Variants in ZNF558 observed in about 807,000 individuals in gnomAD.
ZNF558 encodes zinc finger protein 558.
Under a neutral mutation model 37.6 loss-of-function variants are expected in ZNF558, and 23 were observed. That is an observed-to-expected ratio of 0.61 (90% confidence interval 0.44 to 0.87). ZNF558 has a LOEUF of 0.87. ZNF558 is among the 40% of genes least tolerant of loss of function. ZNF558 has a pLI of 0.00. For synonymous variants in ZNF558, 189 were observed against 174.4 expected, an observed-to-expected ratio of 1.08 and a Z score of -0.66; for missense variants, 429 against 483.7, an observed-to-expected ratio of 0.89 and a Z score of 1.06.
chr19:8,806,944 T>C lies in ZNF558; in HGVS notation c.*4337A>G, dbSNP rs2043708670. 6.6e-6 allele frequency: 1 copy of C among 152,232 alleles called. No homozygotes were observed. Among genetic ancestry groups the C allele is most frequent in the Non-Finnish European group, 1.5e-5 (1 of 68,054 alleles). The allele number at this position is 152,232 out of a possible 1,614,324, so 9.4% of individuals were successfully genotyped here. ...CCTTCTTCTTTGGTTGTTTGGTAGA[T>C]TTGCAGTTTGTCTCTCATTTTCTAT... On this transcript the variant is annotated 3_prime_UTR_variant, in exon 10 of 10. Coordinates refer to ENST00000601372, the MANE Select transcript of ZNF558 (RefSeq NM_144693.3).
Position 8,811,210 on chromosome 19 carries a change from G to A in ZNF558, c.*71C>T, listed in dbSNP as rs2043778153. On this transcript the variant is annotated 3_prime_UTR_variant, in exon 10 of 10. Coordinates refer to ENST00000601372, the MANE Select transcript of ZNF558 (RefSeq NM_144693.3). Reference sequence around the variant, plus strand: ...GCAACAAATAACTTATATATCCAGTGTGAGCTCTCTCAAACTATCTTAGGG... The same window carrying A: ...GCAACAAATAACTTATATATCCAGTATGAGCTCTCTCAAACTATCTTAGGG... 6.9e-7 allele frequency: 1 copy of A among 1,444,416 alleles called. No homozygotes were observed. Among genetic ancestry groups the A allele is most frequent in the Admixed American group, 2.3e-5 (1 of 43,396 alleles). 89.5% of individuals were successfully genotyped at this position (1,444,416 alleles called of 1,614,324 possible).
At chr19:8,831,938 G>GA (rs1344437632) in intron 1 of ZNF558, 1 of 152,282 alleles carries the variant, frequency 6.6e-6, no homozygotes, top group African/African-American at 2.4e-5. Flanking sequence ...CACAATTTGT[G>GA]AAAACCACAG....
At chr19:8,830,174 A>G (rs2044317919) in intron 2 of ZNF558, among the ~76,000 whole-genome samples, 1 of 152,110 alleles carries the variant, frequency 6.6e-6, no homozygotes, top group East Asian at 1.9e-4. Flanking sequence ...CTGCCATGTA[A>G]GACGTGCCTT....
At chr19:8,826,596 T>C (rs1219261514) in intron 2 of ZNF558, among the ~76,000 whole-genome samples, 4 of 152,148 alleles carry the variant, frequency 2.6e-5, no homozygotes, top group Middle Eastern at 6.8e-3. Flanking sequence ...ATGCGAGCAA[T>C]GAGGAGTGGC....
chr19:8,809,770 GA>G lies in ZNF558; in HGVS notation c.*1510del, dbSNP rs550277925. 2.0e-5 allele frequency: 3 copies of G among 151,870 alleles called. No homozygotes were observed. The highest frequency in any genetic ancestry group is 6.6e-5 in the Admixed American group (1 of 15,252). 9.4% of individuals were successfully genotyped at this position (151,870 alleles called of 1,614,324 possible). ...CTATACACAAATGTTTATATTAAAA[GA>G]AAAAAAGACTAAAAAAATTAATGAG... On this transcript the variant is annotated 3_prime_UTR_variant, in exon 10 of 10. Transcript: ENST00000601372.
rs781877951 is a variant in ZNF558, at chr19:8,807,933, A to G, written c.*3348T>C. The G allele has an allele frequency of 2.6e-5, 4 of 152,196 alleles. No individual in the cohort carries two copies. Among genetic ancestry groups the G allele is most frequent in the Admixed American group, 6.5e-5 (1 of 15,278 alleles). The allele number at this position is 152,196 out of a possible 1,614,324, so 9.4% of individuals were successfully genotyped here. A position where few individuals can be genotyped will look rare whatever the true frequency, so the allele number is the denominator to read the frequency against. On this transcript the variant is annotated 3_prime_UTR_variant, in exon 10 of 10. Transcript: ENST00000601372. ...GGCTCTACCATTTACCAGTCAGTGA[A>G]TGCAGGCAAGTAACTTAAGTGTATC...
upstream of ZNF558, among the ~76,000 whole-genome samples, chr19:8,834,405 C>T (rs530514782): frequency 1.3e-5 from 2 of 151,700 alleles, no homozygotes; most frequent in African/African-American, 4.8e-5. Context: ...GTCAAGATAT[C>T]GAGACCATCC....
At chr19:8,821,604 C>A in intron 6 of ZNF558, 1 of 1,349,996 alleles carries the variant, frequency 7.4e-7, no homozygotes, top group Admixed American at 3.3e-5. Context: ...CTCACTCAGA[C>A]TGGGAGCTCC....
intron 8 of ZNF558, 130 bp downstream of exon 8, chr19:8,812,997 G>C (rs564061261): frequency 2.9e-6 from 2 of 695,398 alleles, no homozygotes; most frequent in Non-Finnish European, 5.0e-6. Context: ...AAATGTTCTC[G>C]TGCATGTTTG....
At chr19:8,815,833 A>G (rs1568465384) in intron 7 of ZNF558, among the ~76,000 whole-genome samples, 1 of 151,972 alleles carries the variant, frequency 6.6e-6, no homozygotes. Flanking sequence ...GTGAGTTTTA[A>G]AAAAGATGAA....
rs555159009 is a variant in ZNF558 at position 8,808,430 on chromosome 19, CTA to C, written c.*2849_*2850del. The C allele has an allele frequency of 3.9e-4, 59 of 152,052 alleles. No homozygotes were observed. The highest frequency in any genetic ancestry group is 1.3e-3 in the African/African-American group (55 of 41,430). The allele number at this position is 152,052 out of a possible 1,614,324, so 9.4% of individuals were successfully genotyped here. ...ACAGAATACCTAATCCTGTATGCATCTAGTTACATAATGTCAAAATATATAAA... is the reference window on the plus strand; with the variant it reads ...ACAGAATACCTAATCCTGTATGCATCGTTACATAATGTCAAAATATATAAA... On this transcript the variant is annotated 3_prime_UTR_variant, in exon 10 of 10. Coordinates refer to ENST00000601372, the MANE Select transcript of ZNF558 (RefSeq NM_144693.3).
intron 2 of ZNF558, 33 bp from the exon 3 acceptor site, chr19:8,825,141 C>G (rs2967732): frequency 0.87 from 132,310 of 152,246 alleles, 57,483 homozygotes; most frequent in South Asian, 0.93. Context: ...GTCAAGCAAA[C>G]CTGCAAAAAA....
chr19:8,812,418 TCA>T (rs1186463164), intron 9 of ZNF558, 141 bp downstream of exon 9: 2 of 513,280 alleles, frequency 3.9e-6, no homozygotes, highest in South Asian at 4.6e-5. Context: ...TTTATAATTT[TCA>T]CAGTGTCTCT....
chr19:8,827,683 CTT>C (rs2044264201), intron 2 of ZNF558, among the ~76,000 whole-genome samples: 2 of 148,116 alleles, frequency 1.4e-5, no homozygotes, highest in East Asian at 2.1e-4. Context: ...AAGCAATTCT[CTT>C]GTCTCAGCCT....
Position 8,808,656 on chromosome 19 carries a change from C to CCAAT in ZNF558, c.*2624_*2625insATTG, listed in dbSNP as rs2145160367. 2 of 152,296 alleles carry CCAAT rather than the reference C, an allele frequency of 1.3e-5. No homozygotes were observed. Among genetic ancestry groups the CCAAT allele is most frequent in the South Asian group, 4.1e-4 (2 of 4,824 alleles). The allele number at this position is 152,296 out of a possible 1,614,324, so 9.4% of individuals were successfully genotyped here. The stretch of plus-strand genomic sequence containing the variant: ...TTTCAAAGAAACAACATGGGTAAAA[C>CCAAT]TTGACCAATTTATAGGTTTACCAGT... On this transcript the variant is annotated 3_prime_UTR_variant, in exon 10 of 10. Coordinates refer to ENST00000601372, the MANE Select transcript of ZNF558 (RefSeq NM_144693.3).
intron 7 of ZNF558, among the ~76,000 whole-genome samples, chr19:8,818,087 A>G (rs1277702650): frequency 6.6e-6 from 1 of 152,230 alleles, no homozygotes; most frequent in African/African-American, 2.4e-5. Flanking sequence ...GGCTATAAAA[A>G]AAGTCTGACT....
upstream of ZNF558, chr19:8,833,208 A>G (rs2145333135): frequency 6.6e-6 from 1 of 152,334 alleles, no homozygotes; most frequent in South Asian, 2.1e-4. Flanking sequence ...GATTGTTGAT[A>G]CAGTTACTGC....
At chr19:8,813,361 T>C in intron 7 of ZNF558, 139 bp from the exon 8 acceptor site, 1 of 668,178 alleles carries the variant, frequency 1.5e-6, no homozygotes, top group Non-Finnish European at 2.6e-6. Flanking sequence ...ATTCTTTTCT[T>C]TTTTTTATTT....
chr19:8,806,788 T>G lies in ZNF558; in HGVS notation c.*4493A>C, dbSNP rs1483924043. 1 of 152,222 alleles carries G rather than the reference T, an allele frequency of 6.6e-6. No homozygotes were observed. The highest frequency in any genetic ancestry group is 1.5e-5 in the Non-Finnish European group (1 of 68,046). The allele number at this position is 152,222 out of a possible 1,614,324, so 9.4% of individuals were successfully genotyped here. On this transcript the variant is annotated 3_prime_UTR_variant, in exon 10 of 10. Transcript: ENST00000601372. ...TTTCTTAGGTTACAGAACTTTTGAT[T>G]GACAATTTCCCCCTCCTCCAACCCA... is the stretch of plus-strand genomic sequence containing the variant.
Sources: allele counts gnomAD v4.1 joint callset (sites outside exome capture counted in the v4.1 genomes callset), GRCh38; gene constraint gnomAD v4.1.1; transcripts MANE v1.5; gene names NCBI Gene and HGNC (gene_info 2026-07-23, HGNC 2026-07-21).